NAA25: variants seen among roughly 807,000 people sequenced by gnomAD.
NAA25 encodes N-terminal acetyltransferase B complex subunit NAA25.
A neutral mutation model predicts 132.5 loss-of-function variants in NAA25; 30 were observed. The observed-to-expected ratio is 0.23, with a 90% confidence interval of 0.17 to 0.31. The LOEUF (loss-of-function observed/expected upper bound fraction) is 0.31, where lower values mean the gene tolerates loss of function less well. NAA25 is among the 10% of genes least tolerant of loss of function. The pLI is 1.00. For missense variants in NAA25, 771 were observed against 1,150.4 expected (o/e 0.67, Z 4.77); for synonymous variants, 359 against 401.9 (o/e 0.89, Z 1.28).
intron 2 of NAA25, 79 bp downstream of exon 2, chr12:112,092,972 G>A (rs1003267284): frequency 2.2e-5 from 22 of 991,960 alleles, no homozygotes; most frequent in Middle Eastern, 2.1e-4. Context: ...CACCATGCCC[G>A]GCCCTCCTTT....
intron 13 of NAA25, among the ~76,000 whole-genome samples, chr12:112,059,017 T>C (rs967533632): frequency 7.6e-6 from 1 of 132,184 alleles, no homozygotes; most frequent in Non-Finnish European, 1.5e-5. Context: ...GATATTGCAG[T>C]GAGCTGAGAT....
intron 1 of NAA25, among the ~76,000 whole-genome samples, chr12:112,103,141 C>T (rs1453813066): frequency 6.6e-6 from 1 of 152,172 alleles, no homozygotes; most frequent in Non-Finnish European, 1.5e-5. Flanking sequence ...CGCCTGCCAC[C>T]ACACCTGGCT....
Position 112,049,541 on chromosome 12 carries a change from T to C in NAA25, c.1729-1098A>G. 1 of 985,874 alleles carries C rather than the reference T, an allele frequency of 1.0e-6. No individual in the cohort carries two copies. Among genetic ancestry groups the C allele is most frequent in the Non-Finnish European group, 1.2e-6 (1 of 829,952 alleles). 61.1% of individuals were successfully genotyped at this position (985,874 alleles called of 1,614,324 possible). A position where few individuals can be genotyped will look rare whatever the true frequency, so the allele number is the denominator to read the frequency against. ...GGCCGCGGGATTGCGCCACGGGCGC[T>C]AATTCAACTGCATTCGATGCGGCTT... On this transcript the variant is annotated intron_variant, in intron 15 of 23. Coordinates refer to ENST00000261745, the MANE Select transcript of NAA25 (RefSeq NM_024953.4). The surrounding 1 kb of genome is among the most constrained non-coding windows in gnomAD (Gnocchi z 4.7).
intron 1 of NAA25, among the ~76,000 whole-genome samples, chr12:112,108,333 C>T (rs1212150657): frequency 2.0e-5 from 3 of 152,258 alleles, no homozygotes; most frequent in East Asian, 1.9e-4. Context: ...GGAATCTTCC[C>T]TCAGGCAGGG....
chr12:112,088,316 A>ATTTT (rs2079083261), intron 3 of NAA25, among the ~76,000 whole-genome samples: 1 of 93,920 alleles, frequency 1.1e-5, no homozygotes, highest in African/African-American at 4.3e-5. Flanking sequence ...AGTATATTGT[A>ATTTT]GTTTTTTTTT....
intron 1 of NAA25, among the ~76,000 whole-genome samples, chr12:112,105,491 G>C (rs1459544521): frequency 6.6e-6 from 1 of 152,186 alleles, no homozygotes; most frequent in East Asian, 1.9e-4. Flanking sequence ...AAACTTATTA[G>C]TAATGTGAGA....
At chr12:112,080,365 G>A (rs2078955691) in intron 5 of NAA25, among the ~76,000 whole-genome samples, 1 of 149,164 alleles carries the variant, frequency 6.7e-6, no homozygotes, top group African/African-American at 2.5e-5. Flanking sequence ...TTGACATGCT[G>A]CAACACATTA....
At chr12:112,094,981 G>A (rs2079190752) in intron 1 of NAA25, among the ~76,000 whole-genome samples, 1 of 152,022 alleles carries the variant, frequency 6.6e-6, no homozygotes, top group African/African-American at 2.4e-5. Context: ...TACATTTCAA[G>A]TTTTAAGGAA....
At chr12:112,057,015 C>G (rs2078556073) in intron 13 of NAA25, among the ~76,000 whole-genome samples, 1 of 151,762 alleles carries the variant, frequency 6.6e-6, no homozygotes, top group South Asian at 2.1e-4. Context: ...TGGTAAAACC[C>G]CGTCTCTACT....
chr12:112,056,260 G>A (rs1025772254), intron 13 of NAA25, among the ~76,000 whole-genome samples: 1 of 152,080 alleles, frequency 6.6e-6, no homozygotes, highest in Admixed American at 6.5e-5. Flanking sequence ...CTTGAACCCA[G>A]GAGACAGAGG....
intron 2 of NAA25, 110 bp from the exon 3 acceptor site, chr12:112,090,974 ATAC>A: frequency 9.1e-7 from 1 of 1,096,452 alleles, no homozygotes; most frequent in Non-Finnish European, 1.3e-6. Context: ...GGTTGCTGAT[ATAC>A]TAGTTTCAGG....
Position 112,071,923 on chromosome 12 carries a change from A to C in NAA25, c.1008T>G (p.Ser336Arg). Reference sequence around the variant, plus strand: ...GTTTGTACTCATCGTTACAACCTTGACTTCGTAAACGCCTAATCAGCTCCA... The same window carrying C: ...GTTTGTACTCATCGTTACAACCTTGCCTTCGTAAACGCCTAATCAGCTCCA... The part of the protein sequence containing the change: ...AKLELIRRLR[S>R]QGCNDEYKLG... Residue 336 changes from serine (S) to arginine (R), a missense_variant, in exon 10 of 24, where the codon AGT becomes AGG. Physicochemically the swap from Ser to Arg is moderately radical, Grantham distance 110. Around this residue, in one of 3 missense-constraint regions of NAA25, gnomAD observed 417 missense variants for 733.8 expected, o/e 0.57. Coordinates refer to ENST00000261745, the MANE Select transcript of NAA25 (RefSeq NM_024953.4). 1 of 1,613,518 alleles carries C rather than the reference A, an allele frequency of 6.2e-7. No homozygotes were observed. The highest frequency in any genetic ancestry group is 8.5e-7 in the Non-Finnish European group (1 of 1,179,886).
chr12:112,047,534 A>G, intron 17 of NAA25, 131 bp downstream of exon 17: 1 of 1,157,170 alleles, frequency 8.6e-7, no homozygotes. Context: ...GCCCAGCCCA[A>G]CCTAATTCTT....
chr12:112,043,903 T>C, intron 17 of NAA25, 35 bp from the exon 18 acceptor site: 2 of 1,588,950 alleles, frequency 1.3e-6, no homozygotes, highest in Non-Finnish European at 1.7e-6. Flanking sequence ...ATCTAACTTA[T>C]TCAATATTCA....
At chr12:112,107,474 A>G (rs942129501) in intron 1 of NAA25, among the ~76,000 whole-genome samples, 1 of 151,996 alleles carries the variant, frequency 6.6e-6, no homozygotes, top group Non-Finnish European at 1.5e-5. Context: ...ATATTAGATA[A>G]CCCATATAAA....
chr12:112,080,914 G>C (rs1347334810), intron 5 of NAA25, 146 bp downstream of exon 5: 1 of 754,344 alleles, frequency 1.3e-6, no homozygotes, highest in Non-Finnish European at 2.4e-6. Flanking sequence ...GCAGCAGTGA[G>C]CTATGATTGC....
intron 13 of NAA25, among the ~76,000 whole-genome samples, chr12:112,056,865 T>G (rs905132403): frequency 2.0e-5 from 3 of 152,190 alleles, no homozygotes; most frequent in Non-Finnish European, 4.4e-5. Flanking sequence ...TTCTCTCACC[T>G]ATAAAACTGT....
chr12:112,054,210 A>C (rs2078511051), intron 14 of NAA25, among the ~76,000 whole-genome samples, 178 bp downstream of exon 14: 1 of 152,222 alleles, frequency 6.6e-6, no homozygotes, highest in African/African-American at 2.4e-5. Flanking sequence ...CAAATTTTCA[A>C]ATTACCACAA....
Position 112,029,303 on chromosome 12 carries a change from T to C in NAA25, c.*228A>G, listed in dbSNP as rs1593734792. The C allele has an allele frequency of 1.9e-6, 1 of 540,282 alleles. No homozygotes were observed. The highest frequency in any genetic ancestry group is 3.2e-6 in the Non-Finnish European group (1 of 312,378). The allele number at this position is 540,282 out of a possible 1,614,324, so 33.5% of individuals were successfully genotyped here. ...TGTTGCTGCCATATGCATATGAACATGTATAAAAAGTGGTCAAACCCAGAT... is the reference window on the plus strand; with the variant it reads ...TGTTGCTGCCATATGCATATGAACACGTATAAAAAGTGGTCAAACCCAGAT... On this transcript the variant is annotated 3_prime_UTR_variant, in exon 24 of 24. Transcript: ENST00000261745.
Sources: allele counts gnomAD v4.1 joint callset (sites outside exome capture counted in the v4.1 genomes callset), GRCh38; gene constraint gnomAD v4.1.1; regional missense constraint gnomAD v4.1.1; non-coding constraint Gnocchi (gnomAD v3.1); transcripts MANE v1.5; gene names NCBI Gene and HGNC (gene_info 2026-07-23, HGNC 2026-07-21).